Variants in CTAG2 observed in about 807,000 individuals in gnomAD.
CTAG2 encodes the protein cancer/testis antigen 2.
A neutral mutation model predicts 5.7 loss-of-function variants in CTAG2; 5 were observed. The observed-to-expected ratio is 0.88, with a 90% CI of 0.46 to 1.85. The LOEUF (loss-of-function observed/expected upper bound fraction) is 1.85, where lower values mean the gene tolerates loss of function less well. Among genes scored for constraint, CTAG2 ranks in the 40% most tolerant of loss-of-function variants. CTAG2 has a pLI of 0.01. For synonymous variants in CTAG2, 63 were observed against 80.9 expected (o/e 0.78, Z 1.19); for missense variants, 151 against 169.9 (o/e 0.89, Z 0.62).
At chrX:154,652,361 A>G (rs2070158109) in intron 2 of CTAG2, 94 bp from the exon 3 acceptor site, 1 of 1,211,378 alleles carries the variant, frequency 8.3e-7, no homozygotes. Flanking sequence ...CTGGTGTACC[A>G]GGTCTCTGTT....
rs781870770 is a variant in CTAG2, at chrX:154,652,480, C to G, written c.404+17G>C. On this transcript the variant is annotated intron_variant, in intron 2 of 2. Coordinates refer to ENST00000369585, the MANE Select transcript of CTAG2 (RefSeq NM_172377.5). Reference sequence around the variant, plus strand: ...CTCATCCGCCCAGCGCCTTCCCTGTCCTGGTCCCGAACTGACATAAACAGT... The same window carrying G: ...CTCATCCGCCCAGCGCCTTCCCTGTGCTGGTCCCGAACTGACATAAACAGT... 2 of 1,211,322 alleles carry G rather than the reference C, an allele frequency of 1.7e-6. No homozygotes were observed. The highest frequency in any genetic ancestry group is 1.8e-5 in the South Asian group (1 of 56,955).
chrX:154,653,432 CCCTGGGCCATCAGGAATGCCAGGGCCT>C lies in CTAG2; in HGVS notation c.57_83del (p.Pro21_Gly29del). On this transcript the variant is annotated inframe_deletion, in exon 1 of 3. Transcript: ENST00000369585. Reference sequence around the variant, plus strand: ...CCTCTCCTGGGCCGCCAGCATTGCCCCCTGGGCCATCAGGAATGCCAGGGCCTCCTGGGCCATCAGCATCGCCCGTCG... The same window carrying C: ...CCTCTCCTGGGCCGCCAGCATTGCCCCCTGGGCCATCAGCATCGCCCGTCG... 1.8e-6 allele frequency: 2 copies of C among 1,142,139 alleles called. No individual in the cohort carries two copies. Among genetic ancestry groups the C allele is most frequent in the South Asian group, 4.0e-5 (2 of 49,814 alleles). The allele number at this position is 1,142,139 out of a possible 1,213,427, so 94.1% of individuals were successfully genotyped here. A position where few individuals can be genotyped will look rare whatever the true frequency, so the allele number is the denominator to read the frequency against.
rs1236503519 is a variant in CTAG2, at chrX:154,652,134, G to A, written c.538C>T (p.Arg180Cys). 4.8e-5 allele frequency: 58 copies of A among 1,206,794 alleles called. No individual in the cohort carries two copies. Among genetic ancestry groups the A allele is most frequent in the Non-Finnish European group, 5.9e-5 (53 of 894,190 alleles). The change falls in exon 3 of 3, where the codon CGC (arginine) becomes TGC (cysteine). Residue 180 changes from arginine (R) to cysteine (C), a missense_variant. By Grantham distance (180) the Arg-to-Cys change is radical. Around this residue, in one of 2 missense-constraint regions of CTAG2, gnomAD observed 147 missense variants for 151.0 expected, o/e 0.97. Transcript: ENST00000369585. The part of the protein sequence containing the change: ...FLAQAPSGQR[R>C] ...GAAGGGGCGCCAGGCTGGGCTTAGCGCCTCTGCCCTGAGGGAGCCTGAGCC... is the reference window on the plus strand; with the variant it reads ...GAAGGGGCGCCAGGCTGGGCTTAGCACCTCTGCCCTGAGGGAGCCTGAGCC...
At chrX:154,653,189 C>T (rs1409696446) in intron 1 of CTAG2, 58 bp downstream of exon 1, 98 of 1,167,299 alleles carry the variant, frequency 8.4e-5, no homozygotes, top group Non-Finnish European at 1.1e-4. Flanking sequence ...CTGTTGTCTC[C>T]GTCTCACGGC....
Position 154,653,319 on chromosome X carries a change from C to T in CTAG2, c.197G>A (p.Gly66Asp), listed in dbSNP as rs782428572. The T allele has an allele frequency of 1.7e-6, 2 of 1,207,928 alleles. No homozygotes were observed. Among genetic ancestry groups the T allele is most frequent in the East Asian group, 3.0e-5 (1 of 33,665 alleles). ...TCCATCCTGCGCAGAAGCGGCACCG[C>T]CATGCGGACCCCGCGGGGCGCCTCC... ...PRGGAPRGPHGGAASAQDGRC... is the reference protein window; with the variant it reads ...PRGGAPRGPHDGAASAQDGRC... Residue 66 changes from glycine to aspartate, a missense_variant, in exon 1 of 3, where the codon GGC becomes GAC. Coordinates refer to ENST00000369585, the MANE Select transcript of CTAG2 (RefSeq NM_172377.5).
In CTAG2 at chrX:154,652,498, TA is replaced by T; in HGVS notation, c.402del (p.Phe134LeufsTer4). The T allele has an allele frequency of 8.3e-7, 1 of 1,210,683 alleles. No homozygotes were observed. On this transcript the variant is annotated frameshift_variant and splice_region_variant, in exon 2 of 3. Transcript: ENST00000369585. LOFTEE classifies it low-confidence loss of function (END_TRUNC). Reference sequence around the variant, plus strand: ...TCCCTGTCCTGGTCCCGAACTGACATAAACAGTAGGTTGCCGGACACGGTGA... The same window carrying T: ...TCCCTGTCCTGGTCCCGAACTGACATAACAGTAGGTTGCCGGACACGGTGA... ...KDFTVSGNLL[F>X]IRLTAADHRQ...
rs1557241340 is a variant in CTAG2 at position 154,652,267 on chromosome X, G to C, written c.405C>G (p.Ile135Met). Residue 135 changes from isoleucine to methionine, a missense_variant and splice_region_variant, in exon 3 of 3, where the codon ATC becomes ATG. This residue lies in a region of CTAG2 where 147 missense variants were observed against 151.0 expected (regional missense o/e 0.97). Transcript: ENST00000369585. ...DFTVSGNLLF[I>M]RLTAADHRQL... is the part of the protein sequence containing the mutation. ...GGCGGTGGTCTGCAGCAGTCAGTCG[G>C]CTAAATGTGAGGGGCAGAGAACATC... 1.7e-6 allele frequency: 2 copies of C among 1,210,909 alleles called. No individual in the cohort carries two copies. Among genetic ancestry groups the C allele is most frequent in the South Asian group, 3.5e-5 (2 of 56,945 alleles).
chrX:154,652,612 A>G lies in CTAG2; in HGVS notation c.289T>C (p.Ser97Pro). 1 of 1,201,430 alleles carries G rather than the reference A, an allele frequency of 8.3e-7. No individual in the cohort carries two copies. The highest frequency in any genetic ancestry group is 3.0e-5 in the East Asian group (1 of 33,693). The change falls in exon 2 of 3, where the codon TCG (serine) becomes CCG (proline). Residue 97 changes from serine to proline, a missense_variant. Transcript: ENST00000369585. Reference sequence around the variant, plus strand: ...ACCAGCTCCGCTTCCATGGGCGACGAGAAAGGCATCGTGATGTGCCTGGTG... The same window carrying G: ...ACCAGCTCCGCTTCCATGGGCGACGGGAAAGGCATCGTGATGTGCCTGGTG... ...LLELHITMPF[S>P]SPMEAELVRR...
At position 154,652,563 on chromosome X, in the gene CTAG2, G is replaced by A. The variant is rs868944771; in HGVS notation, c.338C>T (p.Ala113Val). ...ELVRRILSRD[A>V]APLPRPGAVL... The stretch of plus-strand genomic sequence containing the variant: ...CGCCCCTGGTCGGGGGAGCGGTGCG[G>A]CATCCCGGGACAGGATCCTGCGGAC... Residue 113 changes from alanine to valine, a missense_variant, in exon 2 of 3, where the codon GCC becomes GTC. Ala to Val is a moderately conservative substitution (Grantham distance 64). Coordinates refer to ENST00000369585, the MANE Select transcript of CTAG2 (RefSeq NM_172377.5). 1 of 1,210,436 alleles carries A rather than the reference G, an allele frequency of 8.3e-7. No homozygotes were observed. Among genetic ancestry groups the A allele is most frequent in the Non-Finnish European group, 1.1e-6 (1 of 894,798 alleles).
intron 1 of CTAG2, 39 bp from the exon 2 acceptor site, chrX:154,652,670 T>G (rs781899284): frequency 1.7e-6 from 2 of 1,167,306 alleles, no homozygotes; most frequent in East Asian, 6.0e-5. Context: ...TCCTAGGATT[T>G]GGCCGGTGCC....
intron 1 of CTAG2, 40 bp from the exon 2 acceptor site, chrX:154,652,671 G>T (rs2070163750): frequency 8.6e-7 from 1 of 1,168,869 alleles, no homozygotes; most frequent in Non-Finnish European, 1.1e-6. Flanking sequence ...CCTAGGATTT[G>T]GCCGGTGCCC....
chrX:154,653,180 T>C (rs2070169540), intron 1 of CTAG2, 67 bp downstream of exon 1: 3 of 1,089,998 alleles, frequency 2.8e-6, no homozygotes, highest in Non-Finnish European at 3.6e-6. Flanking sequence ...CTCTTGACCC[T>C]GTTGTCTCCG....
At position 154,652,607 on chromosome X, in the gene CTAG2, C is replaced by T; in HGVS notation, c.294G>A (p.Ser98=). Reference sequence around the variant, plus strand: ...TGCGGACCAGCTCCGCTTCCATGGGCGACGAGAAAGGCATCGTGATGTGCC... The same window carrying T: ...TGCGGACCAGCTCCGCTTCCATGGGTGACGAGAAAGGCATCGTGATGTGCC... The part of the protein sequence containing the change: ...LELHITMPFS[S]PMEAELVRRI... Residue 98 remains serine (S), a synonymous_variant, in exon 2 of 3, where the codon TCG becomes TCA. Coordinates refer to ENST00000369585, the MANE Select transcript of CTAG2 (RefSeq NM_172377.5). 1.7e-6 allele frequency: 2 copies of T among 1,201,932 alleles called. No individual in the cohort carries two copies. Among genetic ancestry groups the T allele is most frequent in the Non-Finnish European group, 2.2e-6 (2 of 889,677 alleles).
chrX:154,653,165 C>G (rs782345314), intron 1 of CTAG2, 82 bp downstream of exon 1: 1 of 1,131,420 alleles, frequency 8.8e-7, no homozygotes, highest in East Asian at 3.1e-5. Flanking sequence ...GGCCCTGCCC[C>G]CCACCTCTTG....
chrX:154,652,744 C>T, intron 1 of CTAG2, 113 bp from the exon 2 acceptor site: 3 of 892,838 alleles, frequency 3.4e-6, no homozygotes, highest in Non-Finnish European at 4.6e-6. Flanking sequence ...CCCCACCCAG[C>T]TGTCTTGATT....
At chrX:154,653,189 C>G in intron 1 of CTAG2, 58 bp downstream of exon 1, 2 of 1,172,335 alleles carry the variant, frequency 1.7e-6, no homozygotes, top group Non-Finnish European at 2.3e-6. Flanking sequence ...CTGTTGTCTC[C>G]GTCTCACGGC....
Position 154,652,558 on chromosome X carries a change from G to A in CTAG2, c.343C>T (p.Pro115Ser), listed in dbSNP as rs1557241513. ...AGAACCGCCCCTGGTCGGGGGAGCG[G>A]TGCGGCATCCCGGGACAGGATCCTG... The part of the protein sequence containing the change: ...VRRILSRDAA[P>S]LPRPGAVLKD... The change falls in exon 2 of 3, where the codon CCG becomes TCG. Residue 115 changes from proline (P) to serine (S), a missense_variant. Physicochemically the swap from Pro to Ser is moderately conservative, Grantham distance 74. Around this residue, in one of 2 missense-constraint regions of CTAG2, gnomAD observed 147 missense variants for 151.0 expected, o/e 0.97. Transcript: ENST00000369585. The A allele has an allele frequency of 8.3e-7, 1 of 1,210,642 alleles. No individual in the cohort carries two copies. Among genetic ancestry groups the A allele is most frequent in the Non-Finnish European group, 1.1e-6 (1 of 894,906 alleles).
At chrX:154,652,424 G>A (rs1557241412) in intron 2 of CTAG2, 73 bp downstream of exon 2, 2 of 1,211,236 alleles carry the variant, frequency 1.7e-6, no homozygotes, top group Non-Finnish European at 1.1e-6. Context: ...GCCCCTCCGG[G>A]GAGGCGGATC....
intron 1 of CTAG2, among the ~76,000 whole-genome samples, chrX:154,652,931 C>T (rs1488844807): frequency 9.4e-6 from 1 of 106,489 alleles, no homozygotes; most frequent in Non-Finnish European, 1.9e-5. Flanking sequence ...ACTCCTGATC[C>T]CTTCACACAC....
Sources: allele counts gnomAD v4.1 joint callset (sites outside exome capture counted in the v4.1 genomes callset), GRCh38; gene constraint gnomAD v4.1.1; regional missense constraint gnomAD v4.1.1; transcripts MANE v1.5; gene names NCBI Gene and HGNC (gene_info 2026-07-23, HGNC 2026-07-21).